Variants in CNIH3 observed in about 807,000 individuals in gnomAD.
The protein encoded by CNIH3 is cornichon family AMPA receptor auxiliary protein 3, also known as protein cornichon homolog 3.
Under a neutral mutation model 24.1 loss-of-function variants are expected in CNIH3, and 14 were observed. The observed-to-expected ratio is 0.58, with a 90% confidence interval of 0.38 to 0.91. The LOEUF (loss-of-function observed/expected upper bound fraction) is 0.91. CNIH3 is among the 40% of genes least tolerant of loss of function. The pLI, the probability that CNIH3 is intolerant of heterozygous loss-of-function variation, is 0.00. For synonymous variants in CNIH3, 68 were observed against 73.8 expected, an observed-to-expected ratio of 0.92 and a Z score of 0.40; for missense variants, 178 against 196.8, an observed-to-expected ratio of 0.90 and a Z score of 0.57.
At chr1:224,696,906 T>C (rs1475385686) in intron 3 of CNIH3, among the ~76,000 whole-genome samples, 2 of 152,182 alleles carry the variant, frequency 1.3e-5, no homozygotes, top group Non-Finnish European at 2.9e-5. Flanking sequence ...CCTAGCACCT[T>C]ATATGATAGT....
At chr1:224,673,859 A>G (rs1685995081) in intron 1 of CNIH3, among the ~76,000 whole-genome samples, 1 of 152,038 alleles carries the variant, frequency 6.6e-6, no homozygotes, top group Non-Finnish European at 1.5e-5. Flanking sequence ...TACCCGTTCA[A>G]GTCACAGAGG....
intron 3 of CNIH3, among the ~76,000 whole-genome samples, chr1:224,607,827 A>G (rs959911295): frequency 6.6e-6 from 1 of 152,164 alleles, no homozygotes; most frequent in Non-Finnish European, 1.5e-5. Flanking sequence ...CCCAGTTCCC[A>G]GCTTGCCCTT....
At chr1:224,543,499 A>G (rs1470659171) in intron 2 of CNIH3, among the ~76,000 whole-genome samples, 1 of 152,170 alleles carries the variant, frequency 6.6e-6, no homozygotes, top group Non-Finnish European at 1.5e-5. Flanking sequence ...AAGACCCTCA[A>G]ACTTGCAGCT....
At chr1:224,646,718 GT>G (rs1251680666) in intron 1 of CNIH3, among the ~76,000 whole-genome samples, 1 of 152,122 alleles carries the variant, frequency 6.6e-6, no homozygotes, top group Non-Finnish European at 1.5e-5. Context: ...TTACAAGCAG[GT>G]TTTTAAAGGC....
At chr1:224,692,934 C>T (rs1687001124) in intron 3 of CNIH3, among the ~76,000 whole-genome samples, 1 of 152,202 alleles carries the variant, frequency 6.6e-6, no homozygotes, top group African/African-American at 2.4e-5. Context: ...CTCAGGGAGC[C>T]TGTAAGATGC....
At chr1:224,474,898 G>T (rs191007604) in intron 1 of CNIH3, among the ~76,000 whole-genome samples, 2 of 150,596 alleles carry the variant, frequency 1.3e-5, no homozygotes, top group Non-Finnish European at 2.9e-5. Flanking sequence ...AAAAAAAGCC[G>T]GTCGTGGCAG....
At chr1:224,697,696 C>T (rs1304420081) in intron 3 of CNIH3, among the ~76,000 whole-genome samples, 1 of 152,206 alleles carries the variant, frequency 6.6e-6, no homozygotes, top group Admixed American at 6.5e-5. Flanking sequence ...CCCCAGAATG[C>T]TCACCCTTCC....
chr1:224,684,901 C>G lies in CNIH3; in HGVS notation c.198+58C>G. ...GATCGCATGGTGGTGGGTGGGCACACAGTGAAAGAGGCTAGTGAGGCTCTG... is the reference window on the plus strand; with the variant it reads ...GATCGCATGGTGGTGGGTGGGCACAGAGTGAAAGAGGCTAGTGAGGCTCTG... On this transcript the variant is annotated intron_variant, in intron 3 of 5. Transcript: ENST00000272133. This position sits in a 1 kb window ranked among gnomAD's most constrained non-coding sequence, Gnocchi z 4.2. 2 of 1,520,216 alleles carry G rather than the reference C, an allele frequency of 1.3e-6. No individual in the cohort carries two copies. The allele number at this position is 1,520,216 out of a possible 1,614,324, so 94.2% of individuals were successfully genotyped here. A position where few individuals can be genotyped will look rare whatever the true frequency, so the allele number is the denominator to read the frequency against.
At chr1:224,598,851 G>A (rs1400946954) in intron 3 of CNIH3, among the ~76,000 whole-genome samples, 2 of 152,148 alleles carry the variant, frequency 1.3e-5, no homozygotes, top group African/African-American at 2.4e-5. Flanking sequence ...TAACTTATAT[G>A]CCCTGGGAAA....
intron 2 of CNIH3, among the ~76,000 whole-genome samples, chr1:224,530,149 T>A (rs1679007875): frequency 2.0e-5 from 3 of 152,214 alleles, no homozygotes; most frequent in Admixed American, 6.5e-5. Flanking sequence ...GCTCTGCAGT[T>A]CCCTGGGTCC....
intron 3 of CNIH3, among the ~76,000 whole-genome samples, chr1:224,598,259 A>G (rs886628133): frequency 3.3e-5 from 5 of 152,162 alleles, no homozygotes; most frequent in African/African-American, 1.2e-4. Context: ...ATAGCAAGAC[A>G]ACTAGAATCA....
At chr1:224,513,347 TGGGGGTGGGGGTGGGAGGG>T (rs2124898124), upstream of CNIH3, among the ~76,000 whole-genome samples, 1 of 3,522 alleles carries the variant, frequency 2.8e-4, no homozygotes, top group African/African-American at 1.0e-3. Context: ...GAGTTGGGGG[TGGGGGTGGGGGTGGGAGGG>T]GGGGGGTCTC....
chr1:224,635,681 T>A (rs1684055003), intron 1 of CNIH3, among the ~76,000 whole-genome samples: 1 of 152,230 alleles, frequency 6.6e-6, no homozygotes, highest in Admixed American at 6.5e-5. Flanking sequence ...CTTAGCTTAG[T>A]CCATATATTT....
At chr1:224,440,204 G>A (rs1674838258) in intron 1 of CNIH3, among the ~76,000 whole-genome samples, 1 of 152,034 alleles carries the variant, frequency 6.6e-6, no homozygotes, top group Non-Finnish European at 1.5e-5. Context: ...TACAGGCATG[G>A]GCCACTGCAC....
At chr1:224,502,605 A>G (rs1165774268) in intron 1 of CNIH3, among the ~76,000 whole-genome samples, 4 of 152,086 alleles carry the variant, frequency 2.6e-5, no homozygotes, top group African/African-American at 9.7e-5. Context: ...CCACCTCTAG[A>G]GTTAGGGAGG....
At chr1:224,508,673 T>TA (rs1427025823) in intron 1 of CNIH3, among the ~76,000 whole-genome samples, 1 of 152,248 alleles carries the variant, frequency 6.6e-6, no homozygotes, top group Non-Finnish European at 1.5e-5. Context: ...TCCCATTACT[T>TA]AGAGTATCAA....
chr1:224,518,823 A>C (rs1252973842), intron 1 of CNIH3, among the ~76,000 whole-genome samples: 2 of 152,354 alleles, frequency 1.3e-5, no homozygotes, highest in South Asian at 4.1e-4. Flanking sequence ...ACTAGAAGCC[A>C]GCCTTTGGAT....
intron 3 of CNIH3, among the ~76,000 whole-genome samples, chr1:224,714,623 G>A (rs558683105): frequency 2.0e-5 from 3 of 152,346 alleles, no homozygotes; most frequent in Non-Finnish European, 2.9e-5. Flanking sequence ...CAGGCCCAGG[G>A]CTCTGGTACT....
At chr1:224,517,023 A>T (rs567255078) in intron 1 of CNIH3, among the ~76,000 whole-genome samples, 1 of 152,158 alleles carries the variant, frequency 6.6e-6, no homozygotes, top group South Asian at 2.1e-4. Flanking sequence ...TGGATCCTGG[A>T]GATGGGGCAT....
Sources: gnomAD v4.1 joint callset for allele counts (sites outside exome capture counted in the v4.1 genomes callset) on GRCh38, gnomAD v4.1.1 for gene constraint, Gnocchi (gnomAD v3.1) non-coding constraint, MANE v1.5 for transcripts, NCBI Gene and HGNC (gene_info 2026-07-23, HGNC 2026-07-21) for gene names.